Variants in TCERG1 observed in about 807,000 individuals in gnomAD.
TCERG1 encodes transcription elongation regulator 1.
Under a neutral mutation model 144.7 loss-of-function variants are expected in TCERG1, and 37 were observed. The ratio of observed to expected loss-of-function variants is 0.26; its 90% CI spans 0.20 to 0.34. The LOEUF (loss-of-function observed/expected upper bound fraction) is 0.34. Ranked by LOEUF, TCERG1 falls within the 10% of genes least tolerant of loss-of-function variation. TCERG1 has a pLI of 1.00. For missense variants in TCERG1, 1,027 were observed against 1,380.7 expected (o/e 0.74, Z 4.06); for synonymous variants, 492 against 458.2 (o/e 1.07, Z -0.94).
At chr5:146,496,809 C>T (rs971140439) in intron 16 of TCERG1, among the ~76,000 whole-genome samples, 1 of 149,792 alleles carries the variant, frequency 6.7e-6, no homozygotes, top group Non-Finnish European at 1.5e-5. Flanking sequence ...AGAATATATG[C>T]GTGTGCCACC....
At chr5:146,468,005 T>G (rs1561652886) in intron 5 of TCERG1, among the ~76,000 whole-genome samples, 1 of 152,192 alleles carries the variant, frequency 6.6e-6, no homozygotes, top group African/African-American at 2.4e-5. Context: ...CAGCATGGGT[T>G]TGATGTCCTG....
At chr5:146,468,181 C>T (rs1348348776) in intron 5 of TCERG1, among the ~76,000 whole-genome samples, 160 bp from the exon 6 acceptor site, 1 of 152,090 alleles carries the variant, frequency 6.6e-6, no homozygotes, top group Admixed American at 6.6e-5. Flanking sequence ...GGCAGCACTT[C>T]CCACAAAATG....
intron 15 of TCERG1, among the ~76,000 whole-genome samples, chr5:146,484,960 G>A (rs7709013): frequency 0.24 from 37,218 of 152,020 alleles, 5,675 homozygotes; most frequent in East Asian, 0.83. Flanking sequence ...CAGCAGCCAG[G>A]CTAATTTTAA....
intron 1 of TCERG1, among the ~76,000 whole-genome samples, chr5:146,449,340 A>G (rs903548267): frequency 3.3e-5 from 5 of 152,224 alleles, no homozygotes. Flanking sequence ...TAGTGCCCTG[A>G]ACCAGACCGA....
chr5:146,454,037 CAAA>C (rs56657111), intron 1 of TCERG1, among the ~76,000 whole-genome samples: 24 of 129,856 alleles, frequency 1.8e-4, no homozygotes, highest in African/African-American at 5.4e-4. Context: ...TACTCAAATA[CAAA>C]AAAAAAAAAA....
chr5:146,476,215 T>C (rs1048737958), intron 9 of TCERG1, among the ~76,000 whole-genome samples: 6 of 152,174 alleles, frequency 3.9e-5, no homozygotes, highest in African/African-American at 7.2e-5. Context: ...CTGGAAGATA[T>C]ACACATTCAA....
intron 21 of TCERG1, among the ~76,000 whole-genome samples, chr5:146,508,604 G>A (rs1438718100): frequency 6.6e-6 from 1 of 152,126 alleles, no homozygotes; most frequent in East Asian, 1.9e-4. Flanking sequence ...TTTTCTGACT[G>A]TTTAGAATTG....
At chr5:146,466,606 A>C (rs1213255136) in intron 5 of TCERG1, among the ~76,000 whole-genome samples, 2 of 152,218 alleles carry the variant, frequency 1.3e-5, no homozygotes, top group East Asian at 1.9e-4. Flanking sequence ...CCTCTAAAAA[A>C]AAAGGTTAAA....
At chr5:146,477,347 A>G (rs1437106325) in intron 9 of TCERG1, among the ~76,000 whole-genome samples, 2 of 152,056 alleles carry the variant, frequency 1.3e-5, no homozygotes, top group African/African-American at 2.4e-5. Context: ...GGACTTGACA[A>G]CTGTTGATTA....
At chr5:146,448,203 G>A (rs1328038590) in intron 1 of TCERG1, among the ~76,000 whole-genome samples, 1 of 152,178 alleles carries the variant, frequency 6.6e-6, no homozygotes, top group East Asian at 1.9e-4. Flanking sequence ...GAATAAGATT[G>A]CATAGGCGGA....
Position 146,462,125 on chromosome 5 carries a change from T to A in TCERG1, c.893-1426T>A, listed in dbSNP as rs1763384219. On this transcript the variant is annotated intron_variant, in intron 4 of 22. Coordinates refer to ENST00000679501, the MANE Select transcript of TCERG1 (RefSeq NM_001382548.1). ...AGTCCCTCATTAACAAGTACGAAATTGCTCACATCTTCCCAGCCTAAGTGA... is the reference window on the plus strand; with the variant it reads ...AGTCCCTCATTAACAAGTACGAAATAGCTCACATCTTCCCAGCCTAAGTGA... 3.3e-5 allele frequency: 5 copies of A among 152,604 alleles called. No individual in the cohort carries two copies. The South Asian group carries it at 1.0e-3, about 32-fold the overall frequency. The allele number at this position is 152,604 out of a possible 1,614,324, so 9.5% of individuals were successfully genotyped here.
chr5:146,457,348 A>G lies in TCERG1; in HGVS notation c.438+13A>G. 4 of 1,599,070 alleles carry G rather than the reference A, an allele frequency of 2.5e-6. No homozygotes were observed. The highest frequency in any genetic ancestry group is 3.4e-6 in the Non-Finnish European group (4 of 1,171,960). On this transcript the variant is annotated intron_variant, in intron 3 of 22. Transcript: ENST00000679501. ...TCCAGATGGGAAGGTAAATAATAAAATATATTTAAGTTGTCATTTGTTGAC... is the reference window on the plus strand; with the variant it reads ...TCCAGATGGGAAGGTAAATAATAAAGTATATTTAAGTTGTCATTTGTTGAC...
Position 146,488,252 on chromosome 5 carries a change from C to G in TCERG1, c.2163+4623C>G, listed in dbSNP as rs373267084. 3.5e-4 allele frequency among the ~76,000 whole-genome samples: 54 copies of G among 152,170 alleles called. 1 individual carries two copies. In the South Asian group the frequency reaches 0.01, roughly 29 times the overall value. ...CAAGAATAAACAAATGGGGTTACAT[C>G]AAATTAAAACAGTTCTCCATAGCAA... On this transcript the variant is annotated intron_variant, in intron 15 of 22. Transcript: ENST00000679501.
intron 19 of TCERG1, among the ~76,000 whole-genome samples, chr5:146,505,352 C>G (rs948454346): frequency 6.6e-6 from 1 of 152,210 alleles, no homozygotes; most frequent in Non-Finnish European, 1.5e-5. Flanking sequence ...CCCCTGGTTA[C>G]TTGCAGGGGA....
intron 9 of TCERG1, among the ~76,000 whole-genome samples, chr5:146,472,728 T>TGTGTGTGTGTGTGTGTGTGTGTGTG (rs1561660643): frequency 2.7e-5 from 4 of 150,572 alleles, no homozygotes; most frequent in East Asian, 3.9e-4. Flanking sequence ...TGTGTGTGTG[T>TGTGTGTGTGTGTGTGTGTGTGTGTG]TTTGAGACGG....
chr5:146,507,935 T>C lies in TCERG1; in HGVS notation c.3024T>C (p.Ile1008=). The C allele has an allele frequency of 3.1e-6, 5 of 1,609,676 alleles. No homozygotes were observed. Among genetic ancestry groups the C allele is most frequent in the Non-Finnish European group, 4.2e-6 (5 of 1,177,864 alleles). ...TCATTAAGGAAGATCCTCGATGTAT[T>C]AAGTTCTCCTCCAGTGACAGGGTAA... The part of the protein sequence containing the change: ...KKIIKEDPRC[I]KFSSSDRKKQ... Residue 1008 remains isoleucine (I), a synonymous_variant, in exon 21 of 23, where the codon ATT becomes ATC. Transcript: ENST00000679501. This position sits in a 1 kb window ranked among gnomAD's most constrained non-coding sequence, Gnocchi z 4.6.
At chr5:146,457,988 T>C (rs1036959999) in intron 3 of TCERG1, among the ~76,000 whole-genome samples, 1 of 152,092 alleles carries the variant, frequency 6.6e-6, no homozygotes, top group African/African-American at 2.4e-5. Context: ...TAGCTGGAGT[T>C]ACAGGCACCT....
At chr5:146,500,756 C>G (rs1001418768) in intron 17 of TCERG1, among the ~76,000 whole-genome samples, 2 of 152,110 alleles carry the variant, frequency 1.3e-5, no homozygotes, top group Admixed American at 6.5e-5. Flanking sequence ...AGTGGTGGCT[C>G]ATGCCTGTAA....
intron 17 of TCERG1, among the ~76,000 whole-genome samples, chr5:146,500,379 G>T (rs911945909): frequency 7.2e-6 from 1 of 139,754 alleles, no homozygotes; most frequent in African/African-American, 2.7e-5. Flanking sequence ...TGTGTATACT[G>T]TTCTTAAGTA....
Sources: allele counts gnomAD v4.1 joint callset (sites outside exome capture counted in the v4.1 genomes callset), GRCh38; gene constraint gnomAD v4.1.1; non-coding constraint Gnocchi (gnomAD v3.1); transcripts MANE v1.5; gene names NCBI Gene and HGNC (gene_info 2026-07-23, HGNC 2026-07-21).